Variants in ARHGEF10L observed in about 807,000 individuals in gnomAD.
ARHGEF10L encodes rho guanine nucleotide exchange factor 10-like protein.
ARHGEF10L carries 69 observed loss-of-function variants against 141.2 expected under a neutral mutation model. The observed-to-expected ratio is 0.49, with a 90% CI of 0.40 to 0.60. The LOEUF (loss-of-function observed/expected upper bound fraction) is 0.60. Among genes scored for constraint, ARHGEF10L ranks in the 20% least tolerant of loss-of-function variants. The pLI, the probability that ARHGEF10L is intolerant of heterozygous loss-of-function variation, is 0.00. For missense variants in ARHGEF10L, 1,482 were observed against 1,734.3 expected (o/e 0.85, Z 2.58); for synonymous variants, 711 against 718.5 (o/e 0.99, Z 0.17).
intron 5 of ARHGEF10L, among the ~76,000 whole-genome samples, chr1:17,602,689 G>T (rs1227312650): frequency 1.3e-5 from 2 of 152,172 alleles, no homozygotes; most frequent in East Asian, 1.9e-4. Context: ...TGTGGGGTGT[G>T]GGGGAGCGTT....
intron 1 of ARHGEF10L, among the ~76,000 whole-genome samples, chr1:17,541,743 G>A (rs376496226): frequency 4.8e-4 from 73 of 152,254 alleles, no homozygotes; most frequent in African/African-American, 1.5e-3. Context: ...TGAGGTGGGC[G>A]GATTACCTGA....
At chr1:17,631,258 C>T (rs2060672550) in intron 15 of ARHGEF10L, among the ~76,000 whole-genome samples, 1 of 152,116 alleles carries the variant, frequency 6.6e-6, no homozygotes, top group Non-Finnish European at 1.5e-5. Flanking sequence ...GCTGAATATC[C>T]TCCCTCCCTC....
intron 26 of ARHGEF10L, among the ~76,000 whole-genome samples, chr1:17,666,725 C>A (rs928052144): frequency 6.6e-6 from 1 of 151,484 alleles, no homozygotes; most frequent in African/African-American, 2.4e-5. Flanking sequence ...TCCCTGCTAT[C>A]CCCCCAGCCC....
chr1:17,648,531 C>G (rs1299139180), intron 21 of ARHGEF10L, 23 bp from the exon 22 acceptor site: 1 of 1,612,860 alleles, frequency 6.2e-7, no homozygotes, highest in African/African-American at 1.3e-5. Context: ...CCAGCTCTAC[C>G]CACCTCCTTC....
At chr1:17,518,313 C>T in the ARHGEF10L span, among the ~76,000 whole-genome samples, 1 of 152,166 alleles carries the variant, frequency 6.6e-6, no homozygotes, top group East Asian at 1.9e-4. Context: ...ACTGCTGATC[C>T]GTGAGTGTGT....
At chr1:17,571,440 C>T (rs755510467) in intron 1 of ARHGEF10L, among the ~76,000 whole-genome samples, 28 of 152,026 alleles carry the variant, frequency 1.8e-4, no homozygotes, top group Admixed American at 1.6e-3. Context: ...GGGCACTCCT[C>T]GGGGAAGTCT....
chr1:17,596,431 G>A (rs547629094), intron 4 of ARHGEF10L, among the ~76,000 whole-genome samples: 75 of 152,348 alleles, frequency 4.9e-4, no homozygotes, highest in African/African-American at 1.6e-3. Context: ...CTGTGCTGCA[G>A]CTTGGGTTTT....
intron 1 of ARHGEF10L, among the ~76,000 whole-genome samples, chr1:17,550,323 G>T (rs1054390339): frequency 7.2e-5 from 11 of 152,166 alleles, no homozygotes; most frequent in African/African-American, 2.4e-4. Context: ...TTTGGGGCAG[G>T]TTCACATTGA....
intron 1 of ARHGEF10L, among the ~76,000 whole-genome samples, chr1:17,542,588 G>A (rs900346829): frequency 2.0e-5 from 3 of 152,218 alleles, no homozygotes; most frequent in South Asian, 4.1e-4. Flanking sequence ...AAGGAACAGA[G>A]TGGAAAGAAT....
intron 1 of ARHGEF10L, among the ~76,000 whole-genome samples, chr1:17,564,289 C>G (rs1366695654): frequency 6.6e-6 from 1 of 152,180 alleles, no homozygotes; most frequent in Non-Finnish European, 1.5e-5. Context: ...CCAGAATGCC[C>G]AGGAGCTTAG....
In ARHGEF10L at chr1:17,663,624, A is replaced by G. The variant is rs558576612; in HGVS notation, c.2861-823A>G. ...GGCAGCAGTGGTGTTTCTGGAAGAGAAAGAGATCTTGGTAAATTTGACAGA... is the reference window on the plus strand; with the variant it reads ...GGCAGCAGTGGTGTTTCTGGAAGAGGAAGAGATCTTGGTAAATTTGACAGA... On this transcript the variant is annotated intron_variant, in intron 25 of 28. Transcript: ENST00000361221. 5.3e-5 allele frequency among the ~76,000 whole-genome samples: 8 copies of G among 152,168 alleles called. No homozygotes were observed. In the South Asian group the frequency reaches 1.7e-3, roughly 32 times the overall value.
At chr1:17,545,730 T>G (rs542776786) in intron 1 of ARHGEF10L, among the ~76,000 whole-genome samples, 2 of 152,056 alleles carry the variant, frequency 1.3e-5, no homozygotes, top group African/African-American at 4.8e-5. Flanking sequence ...CATGAGAGAG[T>G]AGAGGCAGAC....
Position 17,602,303 on chromosome 1 carries a change from G to A in ARHGEF10L, c.349+85G>A. The A allele has an allele frequency of 2.1e-6, 3 of 1,452,172 alleles. No homozygotes were observed. The South Asian group carries it at 3.7e-5, about 18-fold the overall frequency. 90.0% of individuals were successfully genotyped at this position (1,452,172 alleles called of 1,614,324 possible). ...CTTTCTAACCCAAGAGAGCTGATGT[G>A]GGCTCCTGTGAGCCCAGGGTTCATC... is the stretch of plus-strand genomic sequence containing the variant. On this transcript the variant is annotated intron_variant, in intron 5 of 28. Transcript: ENST00000361221.
At chr1:17,580,279 G>A (rs1222999658) in intron 1 of ARHGEF10L, among the ~76,000 whole-genome samples, 1 of 152,242 alleles carries the variant, frequency 6.6e-6, no homozygotes, top group African/African-American at 2.4e-5. Flanking sequence ...GATGAGGACG[G>A]ACACCCAGCA....
At chr1:17,694,752 C>T (rs2065362937) in intron 27 of ARHGEF10L, 1 of 366,574 alleles carries the variant, frequency 2.7e-6, no homozygotes, top group South Asian at 2.0e-5. Flanking sequence ...GAGAAGCTTG[C>T]ACCTCCCCAG....
chr1:17,532,965 C>T, the ARHGEF10L span, among the ~76,000 whole-genome samples: 3 of 152,140 alleles, frequency 2.0e-5, no homozygotes, highest in African/African-American at 7.2e-5. Context: ...TACCTTGTGC[C>T]TTAACTGGTC....
intron 15 of ARHGEF10L, among the ~76,000 whole-genome samples, chr1:17,628,305 G>A (rs1402725343): frequency 6.6e-6 from 1 of 152,190 alleles, no homozygotes; most frequent in Non-Finnish European, 1.5e-5. Flanking sequence ...ACTCCAGCCT[G>A]GGTGACAGAG....
chr1:17,515,292 T>TC, the ARHGEF10L span, among the ~76,000 whole-genome samples: 24 of 21,746 alleles, frequency 1.1e-3, no homozygotes, highest in African/African-American at 2.0e-3. Context: ...TTTTTCTCTC[T>TC]TTTTTTTTTT....
At chr1:17,677,744 C>A (rs867186278) in intron 26 of ARHGEF10L, among the ~76,000 whole-genome samples, 101 of 152,322 alleles carry the variant, frequency 6.6e-4, no homozygotes, top group African/African-American at 2.3e-3. Flanking sequence ...ATTATCACAC[C>A]CACTTTAAAA....
Sources: allele counts gnomAD v4.1 joint callset (sites outside exome capture counted in the v4.1 genomes callset), GRCh38; gene constraint gnomAD v4.1.1; transcripts MANE v1.5; gene names NCBI Gene and HGNC (gene_info 2026-07-23, HGNC 2026-07-21).